Variants in GYG1 observed in about 807,000 individuals in gnomAD.
GYG1 encodes glycogenin-1.
In GYG1, 44 loss-of-function variants were observed where a neutral mutation model predicts 41.9. That is an observed-to-expected ratio of 1.05 (90% CI 0.83 to 1.35). The LOEUF is 1.35. Ranked by LOEUF, GYG1 falls within the 40% of genes most tolerant of loss-of-function variation. The pLI is 0.00. For missense variants in GYG1, 429 were observed against 418.9 expected (o/e 1.02, Z -0.21); for synonymous variants, 141 against 158.1 (o/e 0.89, Z 0.81).
Position 148,996,456 on chromosome 3 carries a change from T to G in GYG1, c.298T>G (p.Phe100Val), listed in dbSNP as rs1431088734. Residue 100 changes from phenylalanine (F) to valine (V), a missense_variant, in exon 3 of 8, where the codon TTC becomes GTC. Phe to Val is a conservative substitution (Grantham distance 50). Transcript: ENST00000345003. ...WSLTQYSKCV[F>V]MDADTLVLAN... ...GCTTACACAGTATTCAAAATGTGTA[T>G]TCATGGATGCAGATACTCTGGTGAG... is the stretch of plus-strand genomic sequence containing the variant. 6.2e-7 allele frequency: 1 copy of G among 1,613,768 alleles called. No individual in the cohort carries two copies. Among genetic ancestry groups the G allele is most frequent in the South Asian group, 1.1e-5 (1 of 91,076 alleles).
chr3:149,011,295 G>T (rs920624227), intron 5 of GYG1, among the ~76,000 whole-genome samples: 2 of 152,220 alleles, frequency 1.3e-5, no homozygotes, highest in Admixed American at 6.5e-5. Flanking sequence ...AACCCTGCTA[G>T]TCTGAATAGT....
At chr3:149,014,523 C>G (rs1576549031) in intron 5 of GYG1, among the ~76,000 whole-genome samples, 1 of 148,724 alleles carries the variant, frequency 6.7e-6, no homozygotes. Context: ...GAGGGTGGAT[C>G]TCTTGAGCCC....
chr3:149,009,146 G>A lies in GYG1; in HGVS notation c.482-130G>A, dbSNP rs6764555. On this transcript the variant is annotated intron_variant, in intron 4 of 7. Coordinates refer to ENST00000345003, the MANE Select transcript of GYG1 (RefSeq NM_004130.4). The stretch of plus-strand genomic sequence containing the variant: ...TGCACTCCAGCTTGGGTGACAGAGC[G>A]AGACTCCGTCTCAAAAAAAAAAAAA... The A allele has an allele frequency of 0.3, 198,052 of 664,586 alleles. 30,275 individuals carry two copies. Among genetic ancestry groups the A allele is most frequent in the Admixed American group, 0.34 (11,933 of 35,568 alleles). The allele number at this position is 664,586 out of a possible 1,614,324, so 41.2% of individuals were successfully genotyped here.
At chr3:149,023,931 G>A in intron 5 of GYG1, 122 bp from the exon 6 acceptor site, 1 of 751,942 alleles carries the variant, frequency 1.3e-6, no homozygotes, top group Non-Finnish European at 2.4e-6. Context: ...TCCAGCCTGG[G>A]TGACAGAGTG....
intron 4 of GYG1, among the ~76,000 whole-genome samples, chr3:148,998,884 G>A (rs1712950001): frequency 6.6e-6 from 1 of 152,152 alleles, no homozygotes; most frequent in African/African-American, 2.4e-5. Context: ...CTAATTTGAA[G>A]GAAGTAAGTG....
intron 4 of GYG1, among the ~76,000 whole-genome samples, chr3:149,006,020 G>A (rs1264141024): frequency 1.3e-5 from 2 of 150,844 alleles, no homozygotes; most frequent in Non-Finnish European, 2.9e-5. Flanking sequence ...GTAGATTGGT[G>A]TGACTACCAC....
rs1559846587 is a variant in GYG1 at position 149,028,646 on chromosome 3, C to CTATTT, written c.*1715_*1719dup. On this transcript the variant is annotated 3_prime_UTR_variant, in exon 8 of 8. Transcript: ENST00000345003. The stretch of plus-strand genomic sequence containing the variant: ...TTTTCTATTTACTACCGTTCATTCT[C>CTATTT]TATTTTTTACACAGTAGCATAACAA... Among the ~76,000 whole-genome samples the CTATTT allele has an allele frequency of 6.6e-6, 1 of 150,802 alleles. No individual in the cohort carries two copies. The highest frequency in any genetic ancestry group is 2.4e-5 in the African/African-American group (1 of 40,994).
rs1290149378 is a variant in GYG1, at chr3:149,028,390, T to G, written c.*1457T>G. Among the ~76,000 whole-genome samples the G allele has an allele frequency of 6.6e-6, 1 of 152,186 alleles. No homozygotes were observed. On this transcript the variant is annotated 3_prime_UTR_variant, in exon 8 of 8. Transcript: ENST00000345003. The stretch of plus-strand genomic sequence containing the variant: ...GACTTCTGAAACTAGCTATTTGGAC[T>G]GGTGAAGAATGAGTCGCTATTGATC...
intron 5 of GYG1, among the ~76,000 whole-genome samples, chr3:149,014,380 A>T (rs1360617090): frequency 1.3e-5 from 2 of 152,160 alleles, no homozygotes; most frequent in Non-Finnish European, 2.9e-5. Context: ...AATAGCAAAA[A>T]GGGCACAAGG....
intron 5 of GYG1, among the ~76,000 whole-genome samples, chr3:149,012,997 TTGTGTGTGTG>T (rs10575910): frequency 7.8e-4 from 110 of 141,460 alleles, no homozygotes; most frequent in African/African-American, 2.7e-3. Context: ...CTCAGTTAAT[TTGTGTGTGTG>T]TGTGTGTGTG....
intron 5 of GYG1, among the ~76,000 whole-genome samples, chr3:149,014,350 C>G (rs1713901275): frequency 6.6e-6 from 1 of 152,124 alleles, no homozygotes; most frequent in Admixed American, 6.6e-5. Flanking sequence ...CCCAACCCAG[C>G]CTTTAGATGC....
intron 1 of GYG1, among the ~76,000 whole-genome samples, chr3:148,993,737 A>G (rs1292739452): frequency 6.6e-6 from 1 of 152,212 alleles, no homozygotes. Context: ...GACTGAATTG[A>G]GTTTGACGGT....
At position 149,028,614 on chromosome 3, in the gene GYG1, G is replaced by A. The variant is rs71304441; in HGVS notation, c.*1681G>A. Among the ~76,000 whole-genome samples, 2,488 of 151,666 alleles carry A rather than the reference G, an allele frequency of 0.016. 29 individuals carry two copies. The highest frequency in any genetic ancestry group is 0.052 in the South Asian group (250 of 4,810). On this transcript the variant is annotated 3_prime_UTR_variant, in exon 8 of 8. Transcript: ENST00000345003. ...TTGTGGCCATTCAGTTGCATTCAAC[G>A]TTAATTTTTTCTATTTACTACCGTT...
At chr3:149,020,892 G>A (rs184298791) in intron 5 of GYG1, among the ~76,000 whole-genome samples, 7 of 152,260 alleles carry the variant, frequency 4.6e-5, no homozygotes, top group Admixed American at 3.9e-4. Flanking sequence ...GGAGGTGGAA[G>A]GAATATCTCA....
rs1341735229 is a variant in GYG1, at chr3:149,027,246, C to G, written c.*313C>G. On this transcript the variant is annotated 3_prime_UTR_variant, in exon 8 of 8. Transcript: ENST00000345003. ...AGATGGCTGTATCAGTTCTTAAAAT[C>G]TGCAGAGCCTGGTTCAAAATCAGTC... is the stretch of plus-strand genomic sequence containing the variant. 2 of 372,356 alleles carry G rather than the reference C, an allele frequency of 5.4e-6. No individual in the cohort carries two copies. Among genetic ancestry groups the G allele is most frequent in the Non-Finnish European group, 9.9e-6 (2 of 201,254 alleles). The allele number at this position is 372,356 out of a possible 1,614,324, so 23.1% of individuals were successfully genotyped here. A position where few individuals can be genotyped will look rare whatever the true frequency, so the allele number is the denominator to read the frequency against.
At chr3:149,017,293 A>G (rs756848053) in intron 5 of GYG1, among the ~76,000 whole-genome samples, 1 of 152,232 alleles carries the variant, frequency 6.6e-6, no homozygotes, top group Non-Finnish European at 1.5e-5. Flanking sequence ...AGTTAAAATT[A>G]GAACATTTAT....
Position 148,996,765 on chromosome 3 carries a change from T to G in GYG1, c.342T>G (p.Leu114=), listed in dbSNP as rs770259395. The part of the protein sequence containing the change: ...DTLVLANIDD[L]FDREELSAAP... ...AGGTCCTAGCAAATATTGATGATCT[T>G]TTTGACAGAGAAGAATTGTCAGCAG... Residue 114 remains leucine, a synonymous_variant, in exon 4 of 8, where the codon CTT becomes CTG. Coordinates refer to ENST00000345003, the MANE Select transcript of GYG1 (RefSeq NM_004130.4). 5 of 1,614,086 alleles carry G rather than the reference T, an allele frequency of 3.1e-6. No individual in the cohort carries two copies. The highest frequency in any genetic ancestry group is 2.5e-6 in the Non-Finnish European group (3 of 1,179,912).
chr3:149,019,304 A>G (rs1714236660), intron 5 of GYG1, among the ~76,000 whole-genome samples: 1 of 152,074 alleles, frequency 6.6e-6, no homozygotes, highest in Non-Finnish European at 1.5e-5. Flanking sequence ...CTAATTTGTA[A>G]AGAAACCTAC....
chr3:149,005,636 A>G (rs1713356313), intron 4 of GYG1, among the ~76,000 whole-genome samples: 1 of 152,162 alleles, frequency 6.6e-6, no homozygotes, highest in Non-Finnish European at 1.5e-5. Flanking sequence ...GCCTATGTGT[A>G]AGGCATTCTG....
Sources: gnomAD v4.1 joint callset for allele counts (sites outside exome capture counted in the v4.1 genomes callset) on GRCh38, gnomAD v4.1.1 for gene constraint, MANE v1.5 for transcripts, NCBI Gene and HGNC (gene_info 2026-07-23, HGNC 2026-07-21) for gene names.